The following CDH4 variants were observed in gnomAD, a reference collection of about 807,000 sequenced individuals.
CDH4 encodes the protein cadherin 4.
A neutral mutation model predicts 86.0 loss-of-function variants in CDH4; 33 were observed. The observed-to-expected ratio is 0.38, with a 90% confidence interval of 0.29 to 0.51. The LOEUF (loss-of-function observed/expected upper bound fraction) is 0.51. CDH4 is among the 20% of genes least tolerant of loss of function. The pLI, the probability that CDH4 is intolerant of heterozygous loss-of-function variation, is 0.86. For missense variants in CDH4, 1,114 were observed against 1,307.4 expected (o/e 0.85, Z 2.28); for synonymous variants, 555 against 549.4 (o/e 1.01, Z -0.14).
chr20:61,871,168 A>G (rs777275363), intron 6 of CDH4, among the ~76,000 whole-genome samples: 4 of 151,994 alleles, frequency 2.6e-5, no homozygotes, highest in Non-Finnish European at 5.9e-5. Context: ...CACCCTTAGT[A>G]TTTCCTCTAG....
chr20:61,337,901 G>C (rs1301242831), intron 2 of CDH4, among the ~76,000 whole-genome samples: 1 of 152,080 alleles, frequency 6.6e-6, no homozygotes, highest in Non-Finnish European at 1.5e-5. Context: ...TTTCTGCCCT[G>C]GGGTTTTTAG....
chr20:61,257,433 A>G (rs574071943), intron 2 of CDH4, among the ~76,000 whole-genome samples: 2 of 152,404 alleles, frequency 1.3e-5, no homozygotes, highest in East Asian at 1.9e-4. Context: ...AGCAAATACT[A>G]TGTATTACGA....
intron 7 of CDH4, among the ~76,000 whole-genome samples, chr20:61,887,975 T>A (rs1027194522): frequency 6.6e-6 from 1 of 152,186 alleles, no homozygotes; most frequent in African/African-American, 2.4e-5. Flanking sequence ...AAGAGGCTGC[T>A]GAGAGCCCCC....
intron 2 of CDH4, among the ~76,000 whole-genome samples, chr20:61,438,231 G>A (rs910701206): frequency 3.3e-5 from 5 of 152,132 alleles, no homozygotes; most frequent in Admixed American, 2.0e-4. Flanking sequence ...TTGAGAAAAT[G>A]TATTGTTTTT....
intron 4 of CDH4, among the ~76,000 whole-genome samples, chr20:61,839,961 G>GTT (rs1731635115): frequency 6.6e-6 from 1 of 151,876 alleles, no homozygotes; most frequent in Admixed American, 6.6e-5. Context: ...CATGGTGTGT[G>GTT]TGTGTGTCCA....
At chr20:61,817,875 AG>A (rs927210896) in intron 4 of CDH4, among the ~76,000 whole-genome samples, 1 of 152,206 alleles carries the variant, frequency 6.6e-6, no homozygotes, top group African/African-American at 2.4e-5. Context: ...GGAGCCAGCC[AG>A]GGTTCTGAGC....
chr20:61,311,794 G>A (rs772771879), intron 2 of CDH4, among the ~76,000 whole-genome samples: 4 of 152,264 alleles, frequency 2.6e-5, no homozygotes, highest in Admixed American at 2.0e-4. Context: ...TCAAGTTCTT[G>A]TCAAGCCTGA....
At chr20:61,296,268 TGTGTGTGC>T (rs1413683103) in intron 2 of CDH4, among the ~76,000 whole-genome samples, 8 of 12,922 alleles carry the variant, frequency 6.2e-4, no homozygotes, top group African/African-American at 8.8e-4. Context: ...TGTGCGTGTG[TGTGTGTGC>T]GTGGGTGCGT....
rs1255603872 is a variant in CDH4, at chr20:61,399,427, C to T, written c.169+144490C>T. Among the ~76,000 whole-genome samples the T allele has an allele frequency of 8.9e-5, 4 of 45,194 alleles. 1 individual carries two copies. 29.6% of individuals were successfully genotyped at this position (45,194 alleles called of 152,430 possible). On this transcript the variant is annotated intron_variant, in intron 2 of 15. Coordinates refer to ENST00000614565, the MANE Select transcript of CDH4 (RefSeq NM_001794.5). Reference sequence around the variant, plus strand: ...GATTACAGGCGTGAGCCACCGCGCCCGGCCAAAACCCACTTTTTAAAAAGA... The same window carrying T: ...GATTACAGGCGTGAGCCACCGCGCCTGGCCAAAACCCACTTTTTAAAAAGA...
At chr20:61,416,650 G>C (rs536215404) in intron 2 of CDH4, among the ~76,000 whole-genome samples, 1 of 152,294 alleles carries the variant, frequency 6.6e-6, no homozygotes, top group South Asian at 2.1e-4. Context: ...TTTGGAGGAA[G>C]CTTTTGAAAT....
chr20:61,717,144 T>C (rs2087965658), intron 2 of CDH4, among the ~76,000 whole-genome samples: 1 of 152,144 alleles, frequency 6.6e-6, no homozygotes, highest in Non-Finnish European at 1.5e-5. Flanking sequence ...TCCTCCTGCT[T>C]GGCAGAGATG....
chr20:61,396,448 C>T lies in CDH4; in HGVS notation c.169+141511C>T, dbSNP rs557127643. On this transcript the variant is annotated intron_variant, in intron 2 of 15. Coordinates refer to ENST00000614565, the MANE Select transcript of CDH4 (RefSeq NM_001794.5). ...GACTTCCCAGGATGCTGGCAGCGTCCGGTGTTTCTCAAATTGCGTTCTGCG... is the reference window on the plus strand; with the variant it reads ...GACTTCCCAGGATGCTGGCAGCGTCTGGTGTTTCTCAAATTGCGTTCTGCG... 1.6e-4 allele frequency among the ~76,000 whole-genome samples: 25 copies of T among 152,304 alleles called. No individual in the cohort carries two copies. In the South Asian group the frequency reaches 4.8e-3, roughly 29 times the overall value.
At chr20:61,743,482 G>T in intron 2 of CDH4, 81 bp from the exon 3 acceptor site, 1 of 1,045,530 alleles carries the variant, frequency 9.6e-7, no homozygotes. Flanking sequence ...GGGCCTGTAG[G>T]GCGTCCTGCG....
At chr20:61,705,825 G>A (rs1366142316) in intron 2 of CDH4, among the ~76,000 whole-genome samples, 1 of 152,194 alleles carries the variant, frequency 6.6e-6, no homozygotes, top group Non-Finnish European at 1.5e-5. Flanking sequence ...GGGCTGGCCG[G>A]GCTCTTCTGC....
Position 61,672,399 on chromosome 20 carries a change from C to T in CDH4, c.170-71164C>T, listed in dbSNP as rs186981478. 1.7e-4 allele frequency among the ~76,000 whole-genome samples: 26 copies of T among 152,150 alleles called. 1 individual carries two copies. The highest frequency in any genetic ancestry group is 2.2e-4 in the African/African-American group (9 of 41,498). On this transcript the variant is annotated intron_variant, in intron 2 of 15. Transcript: ENST00000614565. ...TGTCCCTGTCCTGGAGATTCCAAGA[C>T]GAATTATGCAAAGCCCAGTCCATCA...
chr20:61,837,597 C>T (rs1478664563), intron 4 of CDH4, among the ~76,000 whole-genome samples: 2 of 152,002 alleles, frequency 1.3e-5, no homozygotes, highest in African/African-American at 4.8e-5. Flanking sequence ...TTCTGGGTCT[C>T]CTCTTCTGTG....
intron 4 of CDH4, among the ~76,000 whole-genome samples, chr20:61,841,923 A>G (rs778083717): frequency 6.6e-6 from 1 of 152,156 alleles, no homozygotes; most frequent in African/African-American, 2.4e-5. Flanking sequence ...TTCTATTACG[A>G]CATGAGACAG....
intron 8 of CDH4, among the ~76,000 whole-genome samples, chr20:61,896,333 A>C (rs1454262879): frequency 6.6e-6 from 1 of 152,142 alleles, no homozygotes; most frequent in East Asian, 1.9e-4. Context: ...TGAGAAGGCA[A>C]CTAAGGCCAG....
chr20:61,332,877 G>T (rs2084591119), intron 2 of CDH4, among the ~76,000 whole-genome samples: 1 of 152,230 alleles, frequency 6.6e-6, no homozygotes, highest in South Asian at 2.1e-4. Flanking sequence ...TGGTCACAGT[G>T]CTCATCACCC....
Sources: gnomAD v4.1 joint callset for allele counts (sites outside exome capture counted in the v4.1 genomes callset) on GRCh38, gnomAD v4.1.1 for gene constraint, MANE v1.5 for transcripts, NCBI Gene and HGNC (gene_info 2026-07-23, HGNC 2026-07-21) for gene names.